The following MSH3 variants were observed in gnomAD, a reference collection of about 807,000 sequenced individuals.
MSH3 encodes DNA mismatch repair protein Msh3.
Under a neutral mutation model 123.3 loss-of-function variants are expected in MSH3, and 106 were observed. The ratio of observed to expected loss-of-function variants is 0.86; its 90% CI spans 0.73 to 1.01. The LOEUF (loss-of-function observed/expected upper bound fraction) is 1.01. Among genes scored for constraint, MSH3 ranks in the 50% least tolerant of loss-of-function variants. MSH3 has a pLI of 0.00. For synonymous variants in MSH3, 515 were observed against 481.4 expected (o/e 1.07, Z -0.91); for missense variants, 1,459 against 1,347.6 (o/e 1.08, Z -1.29).
chr5:80,824,866 A>G (rs1745265947), intron 20 of MSH3, among the ~76,000 whole-genome samples: 1 of 152,160 alleles, frequency 6.6e-6, no homozygotes, highest in African/African-American at 2.4e-5. Flanking sequence ...TCTGGAGTAC[A>G]GATACTCCTT....
Position 80,665,140 on chromosome 5 carries a change from A to T in MSH3, c.359-3A>T, listed in dbSNP as rs202158045. Reference sequence around the variant, plus strand: ...TCTGTTTTCTTCTTATTTGCTGCCTAAGAGCCAAAGAAATGTCTGAGGACC... The same window carrying T: ...TCTGTTTTCTTCTTATTTGCTGCCTTAGAGCCAAAGAAATGTCTGAGGACC... On this transcript the variant is annotated splice_region_variant and splice_polypyrimidine_tract_variant and intron_variant, in intron 2 of 23. Coordinates refer to ENST00000265081, the MANE Select transcript of MSH3 (RefSeq NM_002439.5). 1.9e-6 allele frequency: 3 copies of T among 1,612,960 alleles called. No homozygotes were observed. The highest frequency in any genetic ancestry group is 2.5e-6 in the Non-Finnish European group (3 of 1,179,074).
At chr5:80,701,415 A>AAGCCCACTAG (rs1382583596) in intron 8 of MSH3, among the ~76,000 whole-genome samples, 1 of 152,222 alleles carries the variant, frequency 6.6e-6, no homozygotes, top group Non-Finnish European at 1.5e-5. Flanking sequence ...GTAAGTGGCA[A>AAGCCCACTAG]AGCCCACTAG....
intron 12 of MSH3, among the ~76,000 whole-genome samples, chr5:80,748,819 C>G (rs528215975): frequency 1.0e-3 from 155 of 151,170 alleles, no homozygotes; most frequent in African/African-American, 3.6e-3. Flanking sequence ...AAAAGAAAAC[C>G]GTGAGATGAG....
At chr5:80,681,778 C>T (rs1227825021) in intron 8 of MSH3, among the ~76,000 whole-genome samples, 2 of 151,862 alleles carry the variant, frequency 1.3e-5, no homozygotes, top group African/African-American at 4.8e-5. Context: ...CAAAATATTT[C>T]ATAATGACAT....
At chr5:80,689,025 G>A (rs1750166187) in intron 8 of MSH3, among the ~76,000 whole-genome samples, 1 of 152,194 alleles carries the variant, frequency 6.6e-6, no homozygotes, top group African/African-American at 2.4e-5. Flanking sequence ...ATAACATGGT[G>A]CCTAAATTAG....
intron 8 of MSH3, among the ~76,000 whole-genome samples, chr5:80,693,899 ATCC>A (rs1332628372): frequency 3.3e-5 from 5 of 152,116 alleles, no homozygotes; most frequent in African/African-American, 1.2e-4. Flanking sequence ...ACCTCAAATG[ATCC>A]TCCTGCCTTG....
intron 19 of MSH3, among the ~76,000 whole-genome samples, chr5:80,793,643 A>G (rs1373448582): frequency 6.6e-6 from 1 of 152,192 alleles, no homozygotes; most frequent in Non-Finnish European, 1.5e-5. Flanking sequence ...ATTGGAAGTG[A>G]AGCATAGCAG....
In MSH3 at chr5:80,768,922, C is replaced by T. The variant is rs541680738; in HGVS notation, c.2172C>T (p.Asp724=). Residue 724 remains aspartate, a synonymous_variant, in exon 15 of 24, where the codon GAC becomes GAT. Transcript: ENST00000265081. ...AGGATGAAATTCAAGGTGTTATTGA[C>T]GAGATCCGAATGCATTTGCAAGAAA... ...KRKDEIQGVI[D]EIRMHLQEIR... 26 of 1,612,428 alleles carry T rather than the reference C, an allele frequency of 1.6e-5. No homozygotes were observed. The highest frequency in any genetic ancestry group is 1.7e-4 in the Middle Eastern group (1 of 6,042).
intron 20 of MSH3, among the ~76,000 whole-genome samples, chr5:80,831,655 G>A (rs1331977777): frequency 6.7e-6 from 1 of 148,504 alleles, no homozygotes; most frequent in Non-Finnish European, 1.5e-5. Context: ...TGTTAGTTAG[G>A]AGATTAGCTA....
chr5:80,774,211 C>G (rs1458208433), intron 15 of MSH3, among the ~76,000 whole-genome samples: 1 of 152,100 alleles, frequency 6.6e-6, no homozygotes, highest in Non-Finnish European at 1.5e-5. Context: ...ACAGTTGGAT[C>G]TATAAATATA....
At chr5:80,727,684 G>A (rs1200649610) in intron 9 of MSH3, among the ~76,000 whole-genome samples, 8 of 152,080 alleles carry the variant, frequency 5.3e-5, no homozygotes, top group Non-Finnish European at 1.2e-4. Flanking sequence ...TATATGCCAG[G>A]CATTGGGCAT....
chr5:80,690,103 G>C (rs1561443538), intron 8 of MSH3, among the ~76,000 whole-genome samples: 1 of 152,074 alleles, frequency 6.6e-6, no homozygotes, highest in Non-Finnish European at 1.5e-5. Context: ...AAATTTTGTA[G>C]AGATGGGTTC....
intron 2 of MSH3, among the ~76,000 whole-genome samples, chr5:80,662,977 G>A (rs1749473706): frequency 6.6e-6 from 1 of 152,128 alleles, no homozygotes; most frequent in East Asian, 1.9e-4. Flanking sequence ...GCTCACATCT[G>A]TATTCCTAAC....
chr5:80,708,110 T>C (rs1750762378), intron 8 of MSH3, among the ~76,000 whole-genome samples: 1 of 152,206 alleles, frequency 6.6e-6, no homozygotes, highest in South Asian at 2.1e-4. Flanking sequence ...ATTTTCCTGA[T>C]TATGACCTTG....
In MSH3 at chr5:80,761,640, G is replaced by A. The variant is rs200337887; in HGVS notation, c.1858G>A (p.Asp620Asn). Reference sequence around the variant, plus strand: ...AGAAAATCATCTACGTAAATTGCCCGACATAGAGAGGGGACTCTGTAGCAT... The same window carrying A: ...AGAAAATCATCTACGTAAATTGCCCAACATAGAGAGGGGACTCTGTAGCAT... ...QIENHLRKLP[D>N]IERGLCSIYH... Residue 620 changes from aspartate (D) to asparagine (N), a missense_variant, in exon 13 of 24, where the codon GAC becomes AAC. Asp to Asn is a conservative substitution (Grantham distance 23). Coordinates refer to ENST00000265081, the MANE Select transcript of MSH3 (RefSeq NM_002439.5). 61 of 1,613,952 alleles carry A rather than the reference G, an allele frequency of 3.8e-5. No individual in the cohort carries two copies. The highest frequency in any genetic ancestry group is 2.7e-4 in the East Asian group (12 of 44,890).
chr5:80,695,715 A>G (rs1580568846), intron 8 of MSH3, among the ~76,000 whole-genome samples: 1 of 152,126 alleles, frequency 6.6e-6, no homozygotes, highest in Non-Finnish European at 1.5e-5. Flanking sequence ...TGTTTCAAGC[A>G]TGTGTGTAAT....
At position 80,851,510 on chromosome 5, in the gene MSH3, T is replaced by C. The variant is rs554394147; in HGVS notation, c.2814-2620T>C. Among the ~76,000 whole-genome samples, 3 of 152,340 alleles carry C rather than the reference T, an allele frequency of 2.0e-5. No individual in the cohort carries two copies. In the East Asian group the frequency reaches 5.8e-4, roughly 29 times the overall value. On this transcript the variant is annotated intron_variant, in intron 20 of 23. Transcript: ENST00000265081. ...TTGCCTGTTTTTCTGTTCACCATTT[T>C]GTTTCGCTTTGTCAGACTTTATTTT...
chr5:80,809,974 A>G (rs1165507115), intron 19 of MSH3, among the ~76,000 whole-genome samples: 1 of 151,996 alleles, frequency 6.6e-6, no homozygotes, highest in African/African-American at 2.4e-5. Flanking sequence ...TACCCATCAC[A>G]CAAATGTCGT....
At chr5:80,721,418 T>C (rs940282981) in intron 8 of MSH3, among the ~76,000 whole-genome samples, 2 of 152,224 alleles carry the variant, frequency 1.3e-5, no homozygotes, top group Non-Finnish European at 2.9e-5. Flanking sequence ...GGACTCCTTG[T>C]AGTCACTATT....
Sources: gnomAD v4.1 joint callset for allele counts (sites outside exome capture counted in the v4.1 genomes callset) on GRCh38, gnomAD v4.1.1 for gene constraint, MANE v1.5 for transcripts, NCBI Gene and HGNC (gene_info 2026-07-23, HGNC 2026-07-21) for gene names.